MAGI3: variants seen among roughly 807,000 people sequenced by gnomAD.
The protein encoded by MAGI3 is membrane-associated guanylate kinase, WW and PDZ domain-containing protein 3.
Under a neutral mutation model 121.8 loss-of-function variants are expected in MAGI3, and 43 were observed. The observed-to-expected ratio is 0.35, with a 90% CI of 0.28 to 0.46. The LOEUF is 0.46. MAGI3 is among the 20% of genes least tolerant of loss of function. MAGI3 has a pLI of 1.00. For missense variants in MAGI3, 1,547 were observed against 1,797.3 expected (o/e 0.86, Z 2.52); for synonymous variants, 553 against 639.3 (o/e 0.86, Z 2.04).
chr1:113,598,824 T>G (rs1284649650), intron 6 of MAGI3, among the ~76,000 whole-genome samples: 1 of 152,086 alleles, frequency 6.6e-6, no homozygotes, highest in Non-Finnish European at 1.5e-5. Flanking sequence ...CAAATAAACC[T>G]GACAGATATT....
At chr1:113,419,059 C>T (rs997892499) in intron 1 of MAGI3, among the ~76,000 whole-genome samples, 11 of 151,980 alleles carry the variant, frequency 7.2e-5, no homozygotes, top group Admixed American at 2.0e-4. Context: ...TAATGCAGTA[C>T]TTGTTTAATT....
intron 1 of MAGI3, among the ~76,000 whole-genome samples, chr1:113,509,521 A>G (rs1308492819): frequency 1.5e-5 from 2 of 132,974 alleles, no homozygotes; most frequent in East Asian, 4.2e-4. Context: ...ACACAAACAA[A>G]AAAGGAACCT....
At chr1:113,411,422 A>T (rs1372775780) in intron 1 of MAGI3, among the ~76,000 whole-genome samples, 3 of 148,844 alleles carry the variant, frequency 2.0e-5, no homozygotes, top group Non-Finnish European at 4.5e-5. Flanking sequence ...CTCTTACTGT[A>T]TTTTTTTTTT....
At chr1:113,650,967 G>C in intron 13 of MAGI3, 47 bp from the exon 14 acceptor site, 2 of 1,548,322 alleles carry the variant, frequency 1.3e-6, no homozygotes, top group Non-Finnish European at 1.8e-6. Context: ...TAACTCTTCA[G>C]CTAAACTTTA....
intron 2 of MAGI3, among the ~76,000 whole-genome samples, chr1:113,570,527 A>G (rs573134524): frequency 8.8e-4 from 134 of 152,178 alleles, no homozygotes; most frequent in African/African-American, 3.2e-3. Flanking sequence ...AAACGTTCCT[A>G]TTTCTCCACA....
chr1:113,520,568 T>TA (rs919257652), intron 1 of MAGI3, among the ~76,000 whole-genome samples: 7 of 152,020 alleles, frequency 4.6e-5, no homozygotes, highest in East Asian at 1.9e-4. Context: ...GGCTTTTTTT[T>TA]AAAAAAAATT....
chr1:113,573,596 A>C (rs1352817730), intron 2 of MAGI3, among the ~76,000 whole-genome samples: 1 of 152,098 alleles, frequency 6.6e-6, no homozygotes, highest in African/African-American at 2.4e-5. Flanking sequence ...GCATTTGCTG[A>C]GGAGTGTTTT....
At chr1:113,424,401 C>T (rs1451286266) in intron 1 of MAGI3, among the ~76,000 whole-genome samples, 4 of 152,076 alleles carry the variant, frequency 2.6e-5, no homozygotes, top group Non-Finnish European at 4.4e-5. Context: ...GAACCATACC[C>T]ACCTCTTTGC....
intron 6 of MAGI3, among the ~76,000 whole-genome samples, chr1:113,598,729 G>A (rs1649178371): frequency 1.3e-5 from 2 of 151,944 alleles, no homozygotes; most frequent in Non-Finnish European, 2.9e-5. Context: ...ATAATAGTAG[G>A]GGACTTCAAC....
chr1:113,561,918 T>G (rs1213653197), intron 2 of MAGI3, among the ~76,000 whole-genome samples: 1 of 152,138 alleles, frequency 6.6e-6, no homozygotes, highest in Non-Finnish European at 1.5e-5. Flanking sequence ...CAGCAAAATC[T>G]CAGGGTACAA....
At chr1:113,582,120 T>G (rs1446605378) in intron 3 of MAGI3, among the ~76,000 whole-genome samples, 1 of 152,114 alleles carries the variant, frequency 6.6e-6, no homozygotes, top group African/African-American at 2.4e-5. Flanking sequence ...TTCACATCCA[T>G]AGATTGGCAA....
intron 19 of MAGI3, among the ~76,000 whole-genome samples, chr1:113,679,798 C>A (rs2101035861): frequency 6.6e-6 from 1 of 152,050 alleles, no homozygotes; most frequent in East Asian, 1.9e-4. Flanking sequence ...CTCCACCTCC[C>A]AGGTTCAAGT....
intron 1 of MAGI3, among the ~76,000 whole-genome samples, chr1:113,469,420 C>T (rs1356216738): frequency 1.3e-5 from 2 of 152,034 alleles, no homozygotes; most frequent in African/African-American, 2.4e-5. Flanking sequence ...TTTTTGATGC[C>T]TCTTTTGCTT....
intron 19 of MAGI3, 118 bp from the exon 20 acceptor site, chr1:113,681,080 A>T: frequency 8.8e-7 from 1 of 1,134,296 alleles, no homozygotes; most frequent in Non-Finnish European, 1.3e-6. Context: ...GGTACACGTT[A>T]GGTATTTTAC....
intron 6 of MAGI3, among the ~76,000 whole-genome samples, chr1:113,604,504 T>C (rs1468633940): frequency 2.5e-5 from 3 of 122,246 alleles, no homozygotes; most frequent in African/African-American, 3.2e-5. Context: ...GAGGCGGAGG[T>C]TGTGGTGAGC....
rs777044547 is a variant in MAGI3 at position 113,585,605 on chromosome 1, A to G, written c.763+9A>G. 3 of 1,602,052 alleles carry G rather than the reference A, an allele frequency of 1.9e-6. No individual in the cohort carries two copies. The highest frequency in any genetic ancestry group is 2.6e-6 in the Non-Finnish European group (3 of 1,170,532). On this transcript the variant is annotated intron_variant, in intron 4 of 20. Coordinates refer to ENST00000307546, the MANE Select transcript of MAGI3 (RefSeq NM_001142782.2). ...TGGCAGTGGAAACGCAGGTTTGTAA[A>G]TAGATGAACAACTTCTAACTGATCT...
intron 1 of MAGI3, among the ~76,000 whole-genome samples, chr1:113,507,357 G>A (rs1194143144): frequency 6.6e-6 from 1 of 152,022 alleles, no homozygotes; most frequent in African/African-American, 2.4e-5. Flanking sequence ...TACTTGTAAG[G>A]GGATAGCGTT....
intron 9 of MAGI3, among the ~76,000 whole-genome samples, chr1:113,627,582 T>TATATGATATA (rs1651321429): frequency 6.7e-6 from 1 of 148,154 alleles, no homozygotes; most frequent in South Asian, 2.1e-4. Flanking sequence ...TAATAATATA[T>TATATGATATA]ATCATATATT....
intron 1 of MAGI3, among the ~76,000 whole-genome samples, chr1:113,478,921 A>G (rs181532979): frequency 9.9e-5 from 15 of 152,280 alleles, no homozygotes; most frequent in Admixed American, 2.0e-4. Context: ...AGCTTCCCCA[A>G]GCCGCTTTGT....
Sources: gnomAD v4.1 joint callset for allele counts (sites outside exome capture counted in the v4.1 genomes callset) on GRCh38, gnomAD v4.1.1 for gene constraint, MANE v1.5 for transcripts, NCBI Gene and HGNC (gene_info 2026-07-23, HGNC 2026-07-21) for gene names.